The following FAM120B variants were observed in gnomAD, a reference collection of about 807,000 sequenced individuals.
The protein encoded by FAM120B is constitutive coactivator of peroxisome proliferator-activated receptor gamma.
In FAM120B, 83 loss-of-function variants were observed where a neutral mutation model predicts 96.3. The ratio of observed to expected loss-of-function variants is 0.86; its 90% confidence interval spans 0.72 to 1.03. The LOEUF (loss-of-function observed/expected upper bound fraction) is 1.03. Ranked by LOEUF, FAM120B falls within the 50% of genes least tolerant of loss-of-function variation. The probability of loss-of-function intolerance (pLI) is 0.00; values close to 1 mark genes in which losing one functional copy is unlikely to be tolerated. For missense variants in FAM120B, 1,027 were observed against 1,121.2 expected, an observed-to-expected ratio of 0.92 and a Z score of 1.20; for synonymous variants, 407 against 402.7, an observed-to-expected ratio of 1.01 and a Z score of -0.13.
intron 3 of FAM120B, among the ~76,000 whole-genome samples, chr6:170,329,286 G>C (rs1201303601): frequency 6.6e-6 from 1 of 152,240 alleles, no homozygotes; most frequent in African/African-American, 2.4e-5. Context: ...GATACAGTCT[G>C]GACAGTGCCT....
Position 170,317,942 on chromosome 6 carries a change from C to G in FAM120B, c.552C>G (p.Ile184Met). Residue 184 changes from isoleucine (I) to methionine (M), a missense_variant, in exon 2 of 11, where the codon ATC becomes ATG. Physicochemically the swap from Ile to Met is conservative, Grantham distance 10 (BLOSUM62 1). Coordinates refer to ENST00000476287, the MANE Select transcript of FAM120B (RefSeq NM_032448.3). Reference protein sequence around the residue: ...GILGEDTDYLIYDTCPYFSIS... With the variant: ...GILGEDTDYLMYDTCPYFSIS... ...TGGGGGAAGACACTGATTACCTAAT[C>G]TATGACACTTGTCCCTACTTTTCAA... 6.2e-7 allele frequency: 1 copy of G among 1,614,168 alleles called. No homozygotes were observed. The highest frequency in any genetic ancestry group is 1.7e-5 in the Admixed American group (1 of 60,030).
In FAM120B at chr6:170,372,369, C is replaced by T. The variant is rs373559749; in HGVS notation, c.2283+14051C>T. On this transcript the variant is annotated intron_variant, in intron 6 of 10. Coordinates refer to ENST00000476287, the MANE Select transcript of FAM120B (RefSeq NM_032448.3). ...GTATTTCAGAGACATCTAATGAAAGCGGTTTGACTAACGTAAATTATTCCA... is the reference window on the plus strand; with the variant it reads ...GTATTTCAGAGACATCTAATGAAAGTGGTTTGACTAACGTAAATTATTCCA... Among the ~76,000 whole-genome samples, 133 of 119,606 alleles carry T rather than the reference C, an allele frequency of 1.1e-3. No individual in the cohort carries two copies. In the East Asian group the frequency reaches 0.03, roughly 27 times the overall value. The allele number at this position is 119,606 out of a possible 152,430, so 78.5% of individuals were successfully genotyped here.
At chr6:170,360,489 A>G (rs1334588224) in intron 6 of FAM120B, among the ~76,000 whole-genome samples, 2 of 152,182 alleles carry the variant, frequency 1.3e-5, no homozygotes, top group African/African-American at 2.4e-5. Context: ...GAAAGACATG[A>G]TTAAATAAAG....
At chr6:170,395,420 A>C (rs1440687622) in intron 8 of FAM120B, 67 bp from the exon 9 acceptor site, 1 of 1,272,262 alleles carries the variant, frequency 7.9e-7, no homozygotes, top group Non-Finnish European at 1.1e-6. Context: ...GCCACCCTTT[A>C]CATGCTGTGT....
intron 2 of FAM120B, among the ~76,000 whole-genome samples, chr6:170,321,505 G>A (rs963257696): frequency 2.0e-5 from 3 of 152,176 alleles, no homozygotes; most frequent in Non-Finnish European, 4.4e-5. Context: ...AGCCTCCTGA[G>A]TAGCTGGGAC....
At chr6:170,321,945 A>C (rs1583197580) in intron 2 of FAM120B, among the ~76,000 whole-genome samples, 1 of 152,250 alleles carries the variant, frequency 6.6e-6, no homozygotes, top group South Asian at 2.1e-4. Flanking sequence ...TATCCAGGTT[A>C]TTCTAGCATC....
At chr6:170,320,662 CAT>C (rs1276881828) in intron 2 of FAM120B, among the ~76,000 whole-genome samples, 1 of 152,112 alleles carries the variant, frequency 6.6e-6, no homozygotes, top group East Asian at 1.9e-4. Context: ...ACCTCTAACA[CAT>C]GTTCTCGTAG....
At chr6:170,297,978 A>C (rs1312505494) in intron 1 of FAM120B, 1 of 152,246 alleles carries the variant, frequency 6.6e-6, no homozygotes, top group African/African-American at 2.4e-5. Context: ...TGTAAGACTT[A>C]GATTTTTTAA....
chr6:170,326,060 A>G (rs1220208952), intron 3 of FAM120B, among the ~76,000 whole-genome samples: 3 of 152,034 alleles, frequency 2.0e-5, no homozygotes, highest in African/African-American at 7.2e-5. Context: ...TTGTACATAT[A>G]TATATATTTT....
At chr6:170,380,616 G>A (rs1789846153) in intron 6 of FAM120B, among the ~76,000 whole-genome samples, 2 of 152,216 alleles carry the variant, frequency 1.3e-5, no homozygotes, top group South Asian at 4.1e-4. Context: ...CGGACACCTT[G>A]CGTATGCCTG....
intron 1 of FAM120B, among the ~76,000 whole-genome samples, chr6:170,296,141 GC>G (rs1421394458): frequency 6.6e-6 from 1 of 152,112 alleles, no homozygotes; most frequent in Non-Finnish European, 1.5e-5. Context: ...GCTGCTGCGG[GC>G]CCGCCCCGTG....
At chr6:170,308,324 C>G (rs1784404830) in intron 1 of FAM120B, among the ~76,000 whole-genome samples, 1 of 149,802 alleles carries the variant, frequency 6.7e-6, no homozygotes, top group South Asian at 2.2e-4. Context: ...CATCTTCATA[C>G]ACACGCACAC....
At chr6:170,290,849 C>T (rs1783846842), upstream of FAM120B, 3 of 651,056 alleles carry the variant, frequency 4.6e-6, no homozygotes, top group African/African-American at 1.8e-5. This position sits in a 1 kb window ranked among gnomAD's most constrained non-coding sequence, Gnocchi z 4.7. Flanking sequence ...TGGGAGGAGG[C>T]TCTGCGCCGC....
intron 6 of FAM120B, among the ~76,000 whole-genome samples, chr6:170,369,059 A>G (rs1289032537): frequency 6.6e-6 from 1 of 152,206 alleles, no homozygotes; most frequent in Non-Finnish European, 1.5e-5. Context: ...CAGTAGAAAT[A>G]GAAATCTTGA....
Position 170,389,396 on chromosome 6 carries a change from T to C in FAM120B, c.2490+903T>C, listed in dbSNP as rs146991940. On this transcript the variant is annotated intron_variant, in intron 7 of 10. Transcript: ENST00000476287. ...ATTTTCAGATTAGGAGTGCTCAACC[T>C]GTAGCTTCTTCCAGAATTCTTAAAT... Among the ~76,000 whole-genome samples the C allele has an allele frequency of 5.0e-4, 76 of 152,316 alleles. 1 individual carries two copies. Among genetic ancestry groups the C allele is most frequent in the African/African-American group, 1.8e-3 (74 of 41,570 alleles).
At position 170,388,267 on chromosome 6, in the gene FAM120B, G is replaced by T; in HGVS notation, c.2284-20G>T. On this transcript the variant is annotated intron_variant, in intron 6 of 10. Transcript: ENST00000476287. ...GTGACTCCTGTCTTACATTTTTGGT[G>T]TGTGTTCTGGTCTCCACAGCCTGAT... is the stretch of plus-strand genomic sequence containing the variant. 2.5e-6 allele frequency: 4 copies of T among 1,610,380 alleles called. No homozygotes were observed. Among genetic ancestry groups the T allele is most frequent in the Non-Finnish European group, 3.4e-6 (4 of 1,177,934 alleles).
At chr6:170,329,317 A>T (rs1430989590) in intron 3 of FAM120B, among the ~76,000 whole-genome samples, 1 of 152,214 alleles carries the variant, frequency 6.6e-6, no homozygotes, top group African/African-American at 2.4e-5. Flanking sequence ...AATTGGCGTG[A>T]TAGAGAGTTG....
At chr6:170,361,222 A>ATATACACG (rs1554286440) in intron 6 of FAM120B, among the ~76,000 whole-genome samples, 12 of 101,988 alleles carry the variant, frequency 1.2e-4, no homozygotes, top group African/African-American at 3.0e-4. Context: ...ATATATATAT[A>ATATACACG]TATATATATA....
In FAM120B at chr6:170,404,222, G is replaced by A. The variant is rs559313148; in HGVS notation, c.2693-328G>A. On this transcript the variant is annotated intron_variant, in intron 9 of 10. Coordinates refer to ENST00000476287, the MANE Select transcript of FAM120B (RefSeq NM_032448.3). ...TCTGTGTTGGCAGAACGTCCATGGT[G>A]AGCCATCTGCATGTGAATTTCCATT... 25 of 267,190 alleles carry A rather than the reference G, an allele frequency of 9.4e-5. No homozygotes were observed. In the South Asian group the frequency reaches 1.8e-3, roughly 20 times the overall value. 16.6% of individuals were successfully genotyped at this position (267,190 alleles called of 1,614,324 possible). A position where few individuals can be genotyped will look rare whatever the true frequency, so the allele number is the denominator to read the frequency against.
Sources: allele counts gnomAD v4.1 joint callset (sites outside exome capture counted in the v4.1 genomes callset), GRCh38; gene constraint gnomAD v4.1.1; non-coding constraint Gnocchi (gnomAD v3.1); transcripts MANE v1.5; gene names NCBI Gene and HGNC (gene_info 2026-07-23, HGNC 2026-07-21).